Variants in NTPCR observed in about 807,000 individuals in gnomAD.
The protein encoded by NTPCR is cancer-related nucleoside-triphosphatase.
In NTPCR, 15 loss-of-function variants were observed where a neutral mutation model predicts 19.5. That is an observed-to-expected ratio of 0.77 (90% CI 0.51 to 1.18). The LOEUF (loss-of-function observed/expected upper bound fraction) is 1.18, where lower values mean the gene tolerates loss of function less well. Ranked by LOEUF, NTPCR falls within the 50% of genes most tolerant of loss-of-function variation. The pLI is 0.00. For missense variants in NTPCR, 206 were observed against 240.4 expected, an observed-to-expected ratio of 0.86 and a Z score of 0.95; for synonymous variants, 90 against 95.8, an observed-to-expected ratio of 0.94 and a Z score of 0.36.
chr1:232,976,034 A>C (rs1669113481), intron 4 of NTPCR, among the ~76,000 whole-genome samples: 1 of 152,242 alleles, frequency 6.6e-6, no homozygotes, highest in Admixed American at 6.5e-5. Flanking sequence ...AGAGAGTTGC[A>C]CATCAACATT....
intron 4 of NTPCR, chr1:232,976,269 T>C: frequency 1.4e-6 from 2 of 1,412,696 alleles, no homozygotes; most frequent in Non-Finnish European, 1.8e-6. Flanking sequence ...TTATCATTTT[T>C]GTGGTGATGA....
chr1:232,955,043 A>T (rs1361885952), intron 1 of NTPCR, among the ~76,000 whole-genome samples: 1 of 152,204 alleles, frequency 6.6e-6, no homozygotes, highest in East Asian at 1.9e-4. Context: ...TATTTAAGAG[A>T]CACATTTTCA....
In NTPCR at chr1:232,958,041, A is replaced by G. The variant is rs145287478; in HGVS notation, c.294+1598A>G. On this transcript the variant is annotated intron_variant, in intron 3 of 4. Transcript: ENST00000366628. The stretch of plus-strand genomic sequence containing the variant: ...CAGAGCCCTGGAGCAGGAGCAGGTG[A>G]AGAAGGTAAGTTTGGTGAGGTGGGG... 1.1e-4 allele frequency among the ~76,000 whole-genome samples: 17 copies of G among 152,236 alleles called. No individual in the cohort carries two copies. The East Asian group carries it at 3.3e-3, about 29-fold the overall frequency.
chr1:232,962,517 C>T (rs1668694281), intron 3 of NTPCR: 1 of 152,068 alleles, frequency 6.6e-6, no homozygotes, highest in Non-Finnish European at 1.5e-5. Flanking sequence ...TGATAGCTAC[C>T]CTCAATGCTT....
At chr1:232,976,717 C>G in intron 4 of NTPCR, 1 of 783,886 alleles carries the variant, frequency 1.3e-6, no homozygotes, top group South Asian at 2.4e-5. Flanking sequence ...CAGCCAGGAC[C>G]GGTAGAAATG....
chr1:232,950,879 G>A, intron 1 of NTPCR, 135 bp downstream of exon 1: 2 of 610,652 alleles, frequency 3.3e-6, no homozygotes, highest in Non-Finnish European at 5.8e-6. Flanking sequence ...TAAATGGCGG[G>A]CTTGGTAGTC....
chr1:232,956,283 C>T, intron 2 of NTPCR, 64 bp from the exon 3 acceptor site: 1 of 1,110,396 alleles, frequency 9.0e-7, no homozygotes, highest in Admixed American at 1.8e-5. Flanking sequence ...CTCAGTGGAG[C>T]AGCTAAAAAC....
rs758806446 is a variant in NTPCR, at chr1:232,955,565, A to G, written c.43A>G (p.Lys15Glu). 29 of 1,561,164 alleles carry G rather than the reference A, an allele frequency of 1.9e-5. No individual in the cohort carries two copies. The African/African-American group carries it at 3.6e-4, about 20-fold the overall frequency. Residue 15 changes from lysine (K) to glutamate (E), a missense_variant, in exon 2 of 5, where the codon AAA becomes GAA. By Grantham distance (56) the Lys-to-Glu change is moderately conservative. Transcript: ENST00000366628. Reference protein sequence around the residue: ...VFLTGPPGVGKTTLIHKASEV... With the variant: ...VFLTGPPGVGETTLIHKASEV... Reference sequence around the variant, plus strand: ...TTTTTTTTTTATTTTAGGAGTTGGAAAAACAACATTGATCCATAAAGCCAG... The same window carrying G: ...TTTTTTTTTTATTTTAGGAGTTGGAGAAACAACATTGATCCATAAAGCCAG...
chr1:232,960,017 G>C (rs567125212), intron 3 of NTPCR, among the ~76,000 whole-genome samples: 1 of 151,664 alleles, frequency 6.6e-6, no homozygotes, highest in Non-Finnish European at 1.5e-5. Flanking sequence ...TTGAGACCAG[G>C]CTGGCCAATA....
chr1:232,954,831 C>G (rs926154469), intron 1 of NTPCR, among the ~76,000 whole-genome samples: 2 of 151,942 alleles, frequency 1.3e-5, no homozygotes, highest in Non-Finnish European at 2.9e-5. Context: ...GTCAGCTGAC[C>G]AGGCTGGATG....
rs1203205018 is a variant in NTPCR, at chr1:232,981,654, G to A, written c.*3423G>A. 6.6e-6 allele frequency: 1 copy of A among 151,312 alleles called. No individual in the cohort carries two copies. The highest frequency in any genetic ancestry group is 6.6e-5 in the Admixed American group (1 of 15,210). The allele number at this position is 151,312 out of a possible 1,614,324, so 9.4% of individuals were successfully genotyped here. A position where few individuals can be genotyped will look rare whatever the true frequency, so the allele number is the denominator to read the frequency against. ...GGCCACATGATTTATATAAAACCAA[G>A]TGCTATGGTTTTAATATTATCTTTA... is the stretch of plus-strand genomic sequence containing the variant. On this transcript the variant is annotated 3_prime_UTR_variant, in exon 5 of 5. Transcript: ENST00000366628.
At chr1:232,959,743 C>T (rs895438519) in intron 3 of NTPCR, among the ~76,000 whole-genome samples, 8 of 151,746 alleles carry the variant, frequency 5.3e-5, no homozygotes, top group Non-Finnish European at 8.8e-5. Flanking sequence ...ACACAAATTC[C>T]GATAATAAGA....
rs1366157296 is a variant in NTPCR at position 232,981,871 on chromosome 1, C to G, written c.*3640C>G. 2 of 152,162 alleles carry G rather than the reference C, an allele frequency of 1.3e-5. No individual in the cohort carries two copies. Among genetic ancestry groups the G allele is most frequent in the Non-Finnish European group, 2.9e-5 (2 of 68,050 alleles). 9.4% of individuals were successfully genotyped at this position (152,162 alleles called of 1,614,324 possible). A position where few individuals can be genotyped will look rare whatever the true frequency, so the allele number is the denominator to read the frequency against. ...TAGCTGGGATTACAGGCACCCGCCACCACGCCCAGCTAATTTTTTGTATTT... is the reference window on the plus strand; with the variant it reads ...TAGCTGGGATTACAGGCACCCGCCAGCACGCCCAGCTAATTTTTTGTATTT... On this transcript the variant is annotated 3_prime_UTR_variant, in exon 5 of 5. Coordinates refer to ENST00000366628, the MANE Select transcript of NTPCR (RefSeq NM_032324.3).
chr1:232,970,770 G>A lies in NTPCR; in HGVS notation c.504+652G>A, dbSNP rs1284979591. 3.3e-5 allele frequency among the ~76,000 whole-genome samples: 5 copies of A among 152,292 alleles called. No homozygotes were observed. The East Asian group carries it at 7.7e-4, about 23-fold the overall frequency. ...ATTGAATTAAACATTTGGATTCTCA[G>A]TCACACTGGCCACATCTGAGGTGCT... On this transcript the variant is annotated intron_variant, in intron 4 of 4. Coordinates refer to ENST00000366628, the MANE Select transcript of NTPCR (RefSeq NM_032324.3).
chr1:232,958,754 C>A (rs1668585673), intron 3 of NTPCR, among the ~76,000 whole-genome samples: 1 of 152,166 alleles, frequency 6.6e-6, no homozygotes, highest in Non-Finnish European at 1.5e-5. Context: ...CACATACATT[C>A]CTCTCTACTT....
chr1:232,959,328 T>C (rs1668604039), intron 3 of NTPCR, among the ~76,000 whole-genome samples: 1 of 152,174 alleles, frequency 6.6e-6, no homozygotes, highest in African/African-American at 2.4e-5. Context: ...CCTTCCACCA[T>C]GATTGTAAGT....
chr1:232,953,982 C>T (rs12744791), intron 1 of NTPCR, among the ~76,000 whole-genome samples: 16,935 of 152,254 alleles, frequency 0.11, 1,229 homozygotes, highest in South Asian at 0.17. Context: ...AAGAATGTTG[C>T]AGTGAATGTC....
intron 4 of NTPCR, among the ~76,000 whole-genome samples, chr1:232,973,623 AG>A (rs1192297187): frequency 6.6e-5 from 10 of 152,396 alleles, no homozygotes; most frequent in Admixed American, 6.5e-5. Context: ...TTATAGGGCA[AG>A]GATTTGAAAA....
intron 4 of NTPCR, chr1:232,976,297 TCTAG>T (rs1258225376): frequency 4.2e-6 from 6 of 1,440,058 alleles, no homozygotes; most frequent in Non-Finnish European, 5.5e-6. Flanking sequence ...AATCTTCTCT[TCTAG>T]CTATCTTGAA....
Sources: gnomAD v4.1 joint callset for allele counts (sites outside exome capture counted in the v4.1 genomes callset) on GRCh38, gnomAD v4.1.1 for gene constraint, MANE v1.5 for transcripts, NCBI Gene and HGNC (gene_info 2026-07-23, HGNC 2026-07-21) for gene names.